OR2K2: variants seen among roughly 807,000 people sequenced by gnomAD.
OR2K2 encodes olfactory receptor 2K2.
In OR2K2, 7 loss-of-function variants were observed where a neutral mutation model predicts 11.1. The observed-to-expected ratio is 0.63, with a 90% confidence interval of 0.36 to 1.19. OR2K2 has a LOEUF of 1.19. OR2K2 is among the 50% of genes most tolerant of loss of function. OR2K2 has a pLI of 0.02. For missense variants in OR2K2, 391 were observed against 383.4 expected, an observed-to-expected ratio of 1.02 and a Z score of -0.17; for synonymous variants, 152 against 150.8, an observed-to-expected ratio of 1.01 and a Z score of -0.06.
At chr9:111,328,957 G>C (rs2098102097) in intron 1 of OR2K2, among the ~76,000 whole-genome samples, 1 of 152,194 alleles carries the variant, frequency 6.6e-6, no homozygotes, top group Non-Finnish European at 1.5e-5. Flanking sequence ...GCTCATGCCT[G>C]TAATCCCAGC....
chr9:111,329,961 G>T (rs2098102372), intron 1 of OR2K2, 145 bp downstream of exon 1: 1 of 151,524 alleles, frequency 6.6e-6, no homozygotes, highest in Non-Finnish European at 1.5e-5. Flanking sequence ...GAATTTCTCT[G>T]CCAAATTTTA....
rs750643319 is a variant in OR2K2 at position 111,328,147 on chromosome 9, C to T, written c.287G>A (p.Gly96Glu). Residue 96 changes from glycine (G) to glutamate (E), a missense_variant, in exon 2 of 2, where the codon GGG (glycine) becomes GAG (glutamate). Coordinates refer to ENST00000302681, the MANE Select transcript of OR2K2 (RefSeq NM_205859.2). ...GGACAGATACATCTGTACAGCACAC[C>T]CAGAAAAGATAATGGTTTTCTGGGA... ...LSSQKTIIFS[G>E]CAVQMYLSLA... 3.1e-6 allele frequency: 5 copies of T among 1,614,104 alleles called. No individual in the cohort carries two copies. Among genetic ancestry groups the T allele is most frequent in the Middle Eastern group, 3.3e-4 (2 of 6,062 alleles).
At chr9:111,329,143 G>A (rs904683646) in intron 1 of OR2K2, among the ~76,000 whole-genome samples, 1 of 152,120 alleles carries the variant, frequency 6.6e-6, no homozygotes, top group Non-Finnish European at 1.5e-5. Context: ...GGCAGAGGTT[G>A]CAGTAAGCCG....
In OR2K2 at chr9:111,328,246, A is replaced by G; in HGVS notation, c.188T>C (p.Leu63Pro). The stretch of plus-strand genomic sequence containing the variant: ...AATATCCATGAAAGAGAGATTTCCA[A>G]GGAATAAGTACATGGGGGTTTTAAG... ...SRLKTPMYLFLGNLSFMDICY... is the reference protein window; with the variant it reads ...SRLKTPMYLFPGNLSFMDICY... Residue 63 changes from leucine (L) to proline (P), a missense_variant, in exon 2 of 2, where the codon CTT becomes CCT. Physicochemically the swap from Leu to Pro is moderately conservative, Grantham distance 98 (BLOSUM62 -3). Transcript: ENST00000302681. 1 of 1,614,180 alleles carries G rather than the reference A, an allele frequency of 6.2e-7. No homozygotes were observed. Among genetic ancestry groups the G allele is most frequent in the Non-Finnish European group, 8.5e-7 (1 of 1,180,020 alleles).
At position 111,328,451 on chromosome 9, in the gene OR2K2, T is replaced by C. The variant is rs2098101943; in HGVS notation, c.-18A>G. The stretch of plus-strand genomic sequence containing the variant: ...CCTTGCATTTTCTTTCTTTCATCTA[T>C]ATTTCTTCCAGTACTATTCCCTTCA... On this transcript the variant is annotated 5_prime_UTR_variant, in exon 2 of 2. In the 5' UTR this introduces an upstream ATG that the reference lacks. Coordinates refer to ENST00000302681, the MANE Select transcript of OR2K2 (RefSeq NM_205859.2). 1 of 1,515,038 alleles carries C rather than the reference T, an allele frequency of 6.6e-7. No homozygotes were observed. The highest frequency in any genetic ancestry group is 1.4e-5 in the African/African-American group (1 of 73,298). The allele number at this position is 1,515,038 out of a possible 1,614,324, so 93.8% of individuals were successfully genotyped here.
intron 1 of OR2K2, 41 bp from the exon 2 acceptor site, chr9:111,328,523 A>G: frequency 1.2e-6 from 1 of 845,606 alleles, no homozygotes; most frequent in Non-Finnish European, 1.8e-6. Flanking sequence ...ATATTCATTT[A>G]GTTAGGAAAA....
At chr9:111,329,183 G>A (rs2098102174) in intron 1 of OR2K2, among the ~76,000 whole-genome samples, 1 of 152,058 alleles carries the variant, frequency 6.6e-6, no homozygotes. Flanking sequence ...CAACCTGGGT[G>A]ACAGTGAGAC....
Position 111,328,215 on chromosome 9 carries a change from G to C in OR2K2, c.219C>G (p.Tyr73Ter). The part of the protein sequence containing the change: ...LGNLSFMDIC[Y>*]TSASVPTLLV... ...GCAAAGTAGGAACAGAGGCAGATGT[G>C]TAACAAATATCCATGAAAGAGAGAT... The change falls in exon 2 of 2, where the codon TAC becomes TAG. Residue 73 changes from tyrosine to a stop codon, truncating the protein, a stop_gained. Transcript: ENST00000302681. LOFTEE classifies it high-confidence loss of function. The C allele has an allele frequency of 6.2e-7, 1 of 1,614,158 alleles. No individual in the cohort carries two copies. The highest frequency in any genetic ancestry group is 2.2e-5 in the East Asian group (1 of 44,888).
At chr9:111,329,292 G>A (rs370870246) in intron 1 of OR2K2, among the ~76,000 whole-genome samples, 30 of 152,242 alleles carry the variant, frequency 2.0e-4, no homozygotes, top group African/African-American at 4.3e-4. Context: ...AGTTTGGGGG[G>A]GCTGTACACT....
rs566315473 is a variant in OR2K2, at chr9:111,327,433, C to G, written c.*50G>C. On this transcript the variant is annotated 3_prime_UTR_variant, in exon 2 of 2. Coordinates refer to ENST00000302681, the MANE Select transcript of OR2K2 (RefSeq NM_205859.2). ...AGGTTGTATGTTGTCTCGAATTTCT[C>G]TGATGAGCTCTGCCAGGGGCACATC... The G allele has an allele frequency of 8.0e-7, 1 of 1,246,044 alleles. No individual in the cohort carries two copies. The highest frequency in any genetic ancestry group is 2.3e-5 in the East Asian group (1 of 43,050). The allele number at this position is 1,246,044 out of a possible 1,614,324, so 77.2% of individuals were successfully genotyped here.
At position 111,327,397 on chromosome 9, in the gene OR2K2, A is replaced by G. The variant is rs1391467091; in HGVS notation, c.*86T>C. On this transcript the variant is annotated 3_prime_UTR_variant, in exon 2 of 2. Coordinates refer to ENST00000302681, the MANE Select transcript of OR2K2 (RefSeq NM_205859.2). ...AATTATATAGAGATAAGATCCGATC[A>G]GAGTTCTAAGAGGTTGTATGTTGTC... 2.4e-6 allele frequency: 2 copies of G among 828,718 alleles called. No homozygotes were observed. The highest frequency in any genetic ancestry group is 3.4e-5 in the African/African-American group (2 of 58,436). The allele number at this position is 828,718 out of a possible 1,614,324, so 51.3% of individuals were successfully genotyped here. A position where few individuals can be genotyped will look rare whatever the true frequency, so the allele number is the denominator to read the frequency against.
intron 1 of OR2K2, among the ~76,000 whole-genome samples, chr9:111,329,132 A>G (rs2098102153): frequency 6.6e-6 from 1 of 152,064 alleles, no homozygotes; most frequent in Admixed American, 6.6e-5. Context: ...TGAGACAGGG[A>G]GGCAGAGGTT....
intron 1 of OR2K2, among the ~76,000 whole-genome samples, chr9:111,329,484 T>G (rs986836229): frequency 6.6e-6 from 1 of 152,210 alleles, no homozygotes; most frequent in African/African-American, 2.4e-5. Context: ...CTAAAAATTA[T>G]AGCCAGGCAA....
At chr9:111,329,590 G>GAA (rs2098102279) in intron 1 of OR2K2, among the ~76,000 whole-genome samples, 2 of 152,126 alleles carry the variant, frequency 1.3e-5, no homozygotes, top group Non-Finnish European at 2.9e-5. Flanking sequence ...AGAGCACATA[G>GAA]TTATAAATAA....
intron 1 of OR2K2, 24 bp downstream of exon 1, chr9:111,330,082 A>C (rs1176122639): frequency 2.0e-5 from 3 of 152,178 alleles, no homozygotes; most frequent in Non-Finnish European, 4.4e-5. Flanking sequence ...ACAAGTTTTT[A>C]AGTGAAAAAA....
At position 111,327,353 on chromosome 9, in the gene OR2K2, A is replaced by C; in HGVS notation, c.*130T>G. The stretch of plus-strand genomic sequence containing the variant: ...TTATTAATAGGCAATCACTCTGTGT[A>C]TGCAGCTCATAACTGTGAAATTATA... On this transcript the variant is annotated 3_prime_UTR_variant, in exon 2 of 2. Coordinates refer to ENST00000302681, the MANE Select transcript of OR2K2 (RefSeq NM_205859.2). 1 of 618,638 alleles carries C rather than the reference A, an allele frequency of 1.6e-6. No homozygotes were observed. 38.3% of individuals were successfully genotyped at this position (618,638 alleles called of 1,614,324 possible). A position where few individuals can be genotyped will look rare whatever the true frequency, so the allele number is the denominator to read the frequency against.
Position 111,328,429 on chromosome 9 carries a change from T to TTGGAAAGAAA in OR2K2, c.4_5insTTTCTTTCCA (p.Gln2LeufsTer58). ...GCTCCAAATGGTGAAGTTTTCTCCT[T>TTGGAAAGAAA]GCATTTTCTTTCTTTCATCTATATT... is the stretch of plus-strand genomic sequence containing the variant. On this transcript the variant is annotated frameshift_variant, in exon 2 of 2. Transcript: ENST00000302681. LOFTEE classifies it high-confidence loss of function. 2 of 1,598,544 alleles carry TTGGAAAGAAA rather than the reference T, an allele frequency of 1.3e-6. No individual in the cohort carries two copies. The highest frequency in any genetic ancestry group is 1.7e-6 in the Non-Finnish European group (2 of 1,172,648).
In OR2K2 at chr9:111,329,584, C is replaced by T. The variant is rs145243835; in HGVS notation, c.-50+522G>A. On this transcript the variant is annotated intron_variant, in intron 1 of 1. Coordinates refer to ENST00000302681, the MANE Select transcript of OR2K2 (RefSeq NM_205859.2). ...TCTCTTTAAAAATAAGATTACAGAG[C>T]ACATAGTTATAAATAAGTACATTGG... Among the ~76,000 whole-genome samples, 1,376 of 152,220 alleles carry T rather than the reference C, an allele frequency of 9.0e-3. 8 individuals are homozygous for T. The highest frequency in any genetic ancestry group is 0.016 in the Non-Finnish European group (1,078 of 68,008).
chr9:111,328,462 G>A lies in OR2K2; in HGVS notation c.-29C>T, dbSNP rs767734707. 2 of 1,406,580 alleles carry A rather than the reference G, an allele frequency of 1.4e-6. No homozygotes were observed. The highest frequency in any genetic ancestry group is 3.5e-5 in the Admixed American group (2 of 57,812). 87.1% of individuals were successfully genotyped at this position (1,406,580 alleles called of 1,614,324 possible). A position where few individuals can be genotyped will look rare whatever the true frequency, so the allele number is the denominator to read the frequency against. ...CTTTCTTTCATCTATATTTCTTCCA[G>A]TACTATTCCCTTCATTTAATCTGAG... On this transcript the variant is annotated 5_prime_UTR_variant, in exon 2 of 2. Coordinates refer to ENST00000302681, the MANE Select transcript of OR2K2 (RefSeq NM_205859.2).
Sources: allele counts gnomAD v4.1 joint callset (sites outside exome capture counted in the v4.1 genomes callset), GRCh38; gene constraint gnomAD v4.1.1; transcripts MANE v1.5; gene names NCBI Gene and HGNC (gene_info 2026-07-23, HGNC 2026-07-21).